Variants in ZMYND8 observed in about 807,000 individuals in gnomAD.
ZMYND8 encodes MYND-type zinc finger-containing chromatin reader ZMYND8.
ZMYND8 carries 37 observed loss-of-function variants against 140.8 expected under a neutral mutation model. The ratio of observed to expected loss-of-function variants is 0.26; its 90% confidence interval spans 0.20 to 0.35. The LOEUF (loss-of-function observed/expected upper bound fraction) is 0.35. Among genes scored for constraint, ZMYND8 ranks in the 10% least tolerant of loss-of-function variants. ZMYND8 has a pLI of 1.00. For synonymous variants in ZMYND8, 592 were observed against 597.1 expected (o/e 0.99, Z 0.12); for missense variants, 1,068 against 1,570.0 (o/e 0.68, Z 5.40).
At chr20:47,232,305 A>T (rs1161890410) in intron 16 of ZMYND8, among the ~76,000 whole-genome samples, 1 of 152,082 alleles carries the variant, frequency 6.6e-6, no homozygotes, top group African/African-American at 2.4e-5. Flanking sequence ...ATCTGGGAGG[A>T]AGAGTTTGCA....
intron 3 of ZMYND8, among the ~76,000 whole-genome samples, chr20:47,308,937 T>C (rs1395238924): frequency 6.6e-6 from 1 of 152,194 alleles, no homozygotes; most frequent in Non-Finnish European, 1.5e-5. Flanking sequence ...AGTGGATGAA[T>C]GCATCCCTAG....
chr20:47,235,642 G>C lies in ZMYND8; in HGVS notation c.2856+684C>G, dbSNP rs144090598. On this transcript the variant is annotated intron_variant, in intron 16 of 22. Coordinates refer to ENST00000471951, the MANE Select transcript of ZMYND8 (RefSeq NM_001281775.3). ...GAATTGCTTGAACCCAGGAGGCGGAGGTTGCAGTGAGACGAGATTGTGTCA... is the reference window on the plus strand; with the variant it reads ...GAATTGCTTGAACCCAGGAGGCGGACGTTGCAGTGAGACGAGATTGTGTCA... 2.7e-3 allele frequency among the ~76,000 whole-genome samples: 416 copies of C among 152,034 alleles called. 1 individual carries two copies. The highest frequency in any genetic ancestry group is 9.4e-3 in the African/African-American group (388 of 41,454).
chr20:47,285,947 T>TCCAAAGACGC, intron 8 of ZMYND8: 1 of 629,504 alleles, frequency 1.6e-6, no homozygotes, highest in Non-Finnish European at 2.0e-6. Context: ...TCCCAGCGTC[T>TCCAAAGACGC]TTGGAGGCTG....
intron 3 of ZMYND8, among the ~76,000 whole-genome samples, chr20:47,302,179 A>G (rs1416142230): frequency 7.3e-6 from 1 of 136,446 alleles, no homozygotes; most frequent in Non-Finnish European, 1.6e-5. Flanking sequence ...TGAAACATAA[A>G]TGAATTTTAT....
At chr20:47,230,122 C>A (rs1472187819) in intron 16 of ZMYND8, among the ~76,000 whole-genome samples, 2 of 152,152 alleles carry the variant, frequency 1.3e-5, no homozygotes, top group Non-Finnish European at 2.9e-5. Flanking sequence ...GGTTAAGAAA[C>A]CCCAGCATTA....
chr20:47,340,294 G>T (rs987916646), intron 2 of ZMYND8, among the ~76,000 whole-genome samples: 15 of 134,702 alleles, frequency 1.1e-4, no homozygotes, highest in South Asian at 2.1e-4. Flanking sequence ...AATCATTGGG[G>T]TAAGTAAGAA....
At chr20:47,282,273 A>C in intron 9 of ZMYND8, 56 bp from the exon 10 acceptor site, 1 of 1,506,486 alleles carries the variant, frequency 6.6e-7, no homozygotes, top group East Asian at 2.3e-5. Context: ...CAAGATACTC[A>C]CTAAAGTTTG....
At chr20:47,268,290 C>CT (rs561765484) in intron 11 of ZMYND8, among the ~76,000 whole-genome samples, 3,215 of 107,272 alleles carry the variant, frequency 0.03, 87 homozygotes, top group South Asian at 0.055. Context: ...AACCCCGTCT[C>CT]TTTTTTTTTT....
rs2077784404 is a variant in ZMYND8, at chr20:47,298,407, T to C, written c.453+322A>G. On this transcript the variant is annotated intron_variant, in intron 4 of 22. Transcript: ENST00000471951. The surrounding 1 kb of genome is among the most constrained non-coding windows in gnomAD (Gnocchi z 5.0). ...AACAGAATGAGATCTTTTCAAAATG[T>C]GTGAGCCGTTCATGATTTGGGAGTT... 4.1e-6 allele frequency: 4 copies of C among 985,392 alleles called. No homozygotes were observed. The highest frequency in any genetic ancestry group is 3.6e-6 in the Non-Finnish European group (3 of 829,918). The allele number at this position is 985,392 out of a possible 1,614,324, so 61.0% of individuals were successfully genotyped here. A position where few individuals can be genotyped will look rare whatever the true frequency, so the allele number is the denominator to read the frequency against.
chr20:47,250,405 C>A (rs926607179), intron 12 of ZMYND8, among the ~76,000 whole-genome samples: 1 of 152,152 alleles, frequency 6.6e-6, no homozygotes, highest in Non-Finnish European at 1.5e-5. Flanking sequence ...CCACCCAAAG[C>A]GAGTGTGAGG....
In ZMYND8 at chr20:47,221,289, G is replaced by C. The variant is rs2036900310; in HGVS notation, c.3417+25C>G. On this transcript the variant is annotated intron_variant, in intron 20 of 22. Coordinates refer to ENST00000471951, the MANE Select transcript of ZMYND8 (RefSeq NM_001281775.3). ...TTGGCACAAAGGGTAGATGTCACTAGCCAAAGGCATGGGGGGATCCTCACC... is the reference window on the plus strand; with the variant it reads ...TTGGCACAAAGGGTAGATGTCACTACCCAAAGGCATGGGGGGATCCTCACC... 1.9e-6 allele frequency: 3 copies of C among 1,612,818 alleles called. No homozygotes were observed. The Admixed American group carries it at 5.0e-5, about 27-fold the overall frequency.
At chr20:47,318,564 A>G (rs2079604744) in intron 2 of ZMYND8, 3 of 368,724 alleles carry the variant, frequency 8.1e-6, no homozygotes, top group Admixed American at 3.5e-5. Flanking sequence ...TTGTCCTCGC[A>G]GCAGAGAATG....
rs528315957 is a variant in ZMYND8 at position 47,313,407 on chromosome 20, A to G, written c.86-3203T>C. 8.5e-3 allele frequency among the ~76,000 whole-genome samples: 1,275 copies of G among 150,444 alleles called. 13 individuals carry two copies. The highest frequency in any genetic ancestry group is 1.0e-2 in the Non-Finnish European group (676 of 67,604). ...GGAGGCCAAGGCGGGCGGATTACAAAGTCAGGAGATCGAGACCATCCTGGC... is the reference window on the plus strand; with the variant it reads ...GGAGGCCAAGGCGGGCGGATTACAAGGTCAGGAGATCGAGACCATCCTGGC... On this transcript the variant is annotated intron_variant, in intron 2 of 22. Coordinates refer to ENST00000471951, the MANE Select transcript of ZMYND8 (RefSeq NM_001281775.3).
Position 47,290,225 on chromosome 20 carries a change from G to A in ZMYND8, c.710C>T (p.Ala237Val). 6.2e-7 allele frequency: 1 copy of A among 1,613,384 alleles called. No homozygotes were observed. The highest frequency in any genetic ancestry group is 8.5e-7 in the Non-Finnish European group (1 of 1,179,752). ...GATGCAGTTGTGCAAAATCCACTTT[G>A]CATCAGCCAGGAAGGCTTCTGTGCA... ...YGCTEAFLAD[A>V]KWILHNCIIY... Residue 237 changes from alanine (A) to valine (V), a missense_variant, in exon 7 of 23, where the codon GCA (alanine) becomes GTA (valine). Coordinates refer to ENST00000471951, the MANE Select transcript of ZMYND8 (RefSeq NM_001281775.3).
intron 2 of ZMYND8, among the ~76,000 whole-genome samples, chr20:47,342,245 A>G (rs2081955106): frequency 6.6e-6 from 1 of 152,000 alleles, no homozygotes. Flanking sequence ...CTATTCTCCA[A>G]TAAAAGAAAC....
At chr20:47,238,534 T>TG in intron 15 of ZMYND8, 1 of 744,136 alleles carries the variant, frequency 1.3e-6, no homozygotes, top group Non-Finnish European at 2.2e-6. Flanking sequence ...TATATGCATG[T>TG]ATCATTTATA....
At chr20:47,301,464 C>A (rs377338249) in intron 3 of ZMYND8, among the ~76,000 whole-genome samples, 1 of 152,060 alleles carries the variant, frequency 6.6e-6, no homozygotes, top group East Asian at 1.9e-4. Context: ...CTGCATAATT[C>A]TTTAGCCCAG....
intron 1 of ZMYND8, chr20:47,352,636 G>T: frequency 2.7e-6 from 2 of 740,642 alleles, no homozygotes; most frequent in Non-Finnish European, 3.3e-6. Flanking sequence ...GGTGCTGGGA[G>T]TGAGGAGTTT....
intron 6 of ZMYND8, among the ~76,000 whole-genome samples, chr20:47,291,367 C>T (rs1275224655): frequency 6.6e-6 from 1 of 152,182 alleles, no homozygotes; most frequent in African/African-American, 2.4e-5. Flanking sequence ...AAAACCTAAT[C>T]AGTAGAGTAA....
Sources: allele counts gnomAD v4.1 joint callset (sites outside exome capture counted in the v4.1 genomes callset), GRCh38; gene constraint gnomAD v4.1.1; non-coding constraint Gnocchi (gnomAD v3.1); transcripts MANE v1.5; gene names NCBI Gene and HGNC (gene_info 2026-07-23, HGNC 2026-07-21).